MBD2: variants seen among roughly 807,000 people sequenced by gnomAD.
The protein encoded by MBD2 is methyl-CpG binding domain protein 2, also known as methyl-CpG-binding domain protein 2.
Under a neutral mutation model 39.3 loss-of-function variants are expected in MBD2, and 9 were observed. The ratio of observed to expected loss-of-function variants is 0.23; its 90% confidence interval spans 0.14 to 0.40. The LOEUF (loss-of-function observed/expected upper bound fraction) is 0.40. Among genes scored for constraint, MBD2 ranks in the 10% least tolerant of loss-of-function variants. The pLI is 1.00. For synonymous variants in MBD2, 233 were observed against 211.1 expected (o/e 1.10, Z -0.90); for missense variants, 458 against 532.6 (o/e 0.86, Z 1.38).
intron 2 of MBD2, 136 bp from the exon 3 acceptor site, chr18:54,189,147 T>C: frequency 2.0e-6 from 1 of 500,718 alleles, no homozygotes; most frequent in Non-Finnish European, 3.3e-6. Context: ...TTAAATACTC[T>C]AGGGTACATG....
rs1211076577 is a variant in MBD2 at position 54,154,274 on chromosome 18, G to A, written c.*1050C>T. The A allele has an allele frequency of 1.3e-5, 2 of 152,168 alleles. No individual in the cohort carries two copies. Among genetic ancestry groups the A allele is most frequent in the Admixed American group, 6.5e-5 (1 of 15,276 alleles). 9.4% of individuals were successfully genotyped at this position (152,168 alleles called of 1,614,324 possible). A position where few individuals can be genotyped will look rare whatever the true frequency, so the allele number is the denominator to read the frequency against. On this transcript the variant is annotated 3_prime_UTR_variant, in exon 7 of 7. Coordinates refer to ENST00000256429, the MANE Select transcript of MBD2 (RefSeq NM_003927.5). ...AAATATCAATAAATTCAAGTGGTATGAAAGTTACACTCGCGAGTTTCAACA... is the reference window on the plus strand; with the variant it reads ...AAATATCAATAAATTCAAGTGGTATAAAAGTTACACTCGCGAGTTTCAACA...
chr18:54,207,114 T>C (rs189347897), intron 1 of MBD2, among the ~76,000 whole-genome samples: 2 of 152,318 alleles, frequency 1.3e-5, no homozygotes, highest in Admixed American at 1.3e-4. Flanking sequence ...AAGCTTCACC[T>C]CCTTAATAAG....
At chr18:54,169,031 C>G (rs1031042894) in intron 3 of MBD2, among the ~76,000 whole-genome samples, 2 of 152,102 alleles carry the variant, frequency 1.3e-5, no homozygotes, top group Admixed American at 1.3e-4. Context: ...GTCTTTCCCA[C>G]TCTGTGTGAT....
chr18:54,164,551 C>A lies in MBD2; in HGVS notation c.1081G>T (p.Ala361Ser). ...WLNTSQPLCK[A>S]FIVTDEDIRK... The stretch of plus-strand genomic sequence containing the variant: ...ATGTCTTCATCTGTGACAATAAAAG[C>A]TTTGCAGAGGGGTTGAGATGTGTTA... The change falls in exon 5 of 7, where the codon GCT becomes TCT. Residue 361 changes from alanine (A) to serine (S), a missense_variant. Coordinates refer to ENST00000256429, the MANE Select transcript of MBD2 (RefSeq NM_003927.5). 6.2e-7 allele frequency: 1 copy of A among 1,613,678 alleles called. No homozygotes were observed. The highest frequency in any genetic ancestry group is 8.5e-7 in the Non-Finnish European group (1 of 1,179,622).
intron 1 of MBD2, among the ~76,000 whole-genome samples, chr18:54,220,942 T>C (rs2086606423): frequency 6.6e-6 from 1 of 152,194 alleles, no homozygotes; most frequent in South Asian, 2.1e-4. Flanking sequence ...ACGGAACCTC[T>C]GTAGACAGTT....
chr18:54,224,089 G>A lies in MBD2; in HGVS notation c.471C>T (p.Pro157=), dbSNP rs759118166. Residue 157 remains proline (P), a synonymous_variant, in exon 1 of 7, where the codon CCC becomes CCT. Transcript: ENST00000256429. ...GGATCACTTCCTCCTTCTTCCATCC[G>A]GGGGGGAGGGCCGGGCAATCCATCC... The part of the protein sequence containing the change: ...GKRMDCPALP[P]GWKKEEVIRK... 1 of 1,579,900 alleles carries A rather than the reference G, an allele frequency of 6.3e-7. No individual in the cohort carries two copies.
intron 1 of MBD2, among the ~76,000 whole-genome samples, chr18:54,208,735 A>AT (rs2086474151): frequency 6.6e-6 from 1 of 152,232 alleles, no homozygotes; most frequent in Admixed American, 6.5e-5. Context: ...TAAACCTGCA[A>AT]TAAGTAGTTC....
chr18:54,203,812 A>G (rs2086427328), intron 2 of MBD2, among the ~76,000 whole-genome samples: 2 of 152,212 alleles, frequency 1.3e-5, no homozygotes, highest in Admixed American at 1.3e-4. Context: ...CTTGGTGCTC[A>G]GGAAGGGGGT....
rs113538981 is a variant in MBD2 at position 54,156,673 on chromosome 18, C to T, written c.*13-1362G>A. Among the ~76,000 whole-genome samples the T allele has an allele frequency of 4.3e-3, 653 of 152,032 alleles. 6 individuals are homozygous for T. The highest frequency in any genetic ancestry group is 0.014 in the South Asian group (65 of 4,798). On this transcript the variant is annotated intron_variant, in intron 6 of 6. Coordinates refer to ENST00000256429, the MANE Select transcript of MBD2 (RefSeq NM_003927.5). Reference sequence around the variant, plus strand: ...TTCAAGACCAACCTGCCCAACATGGCGAAAACCGTCTCTAGAAAAAATACA... The same window carrying T: ...TTCAAGACCAACCTGCCCAACATGGTGAAAACCGTCTCTAGAAAAAATACA...
At chr18:54,162,992 G>A (rs1202765409) in intron 5 of MBD2, among the ~76,000 whole-genome samples, 4 of 152,088 alleles carry the variant, frequency 2.6e-5, no homozygotes, top group Admixed American at 6.6e-5. Context: ...TAGGCTGGGC[G>A]TGGTGGCTCA....
intron 3 of MBD2, among the ~76,000 whole-genome samples, chr18:54,176,024 C>G (rs533686303): frequency 2.0e-5 from 3 of 152,138 alleles, no homozygotes; most frequent in Admixed American, 2.0e-4. Context: ...ATGAGGACAA[C>G]AGTGTTAATG....
At chr18:54,219,268 T>C (rs1170615779) in intron 1 of MBD2, among the ~76,000 whole-genome samples, 3 of 152,346 alleles carry the variant, frequency 2.0e-5, no homozygotes, top group East Asian at 3.9e-4. Context: ...ACAAAATGCA[T>C]AGCCTTATTA....
chr18:54,218,714 G>A lies in MBD2; in HGVS notation c.542+5304C>T, dbSNP rs150410407. 7.2e-4 allele frequency among the ~76,000 whole-genome samples: 110 copies of A among 152,284 alleles called. 1 individual carries two copies. Among genetic ancestry groups the A allele is most frequent in the South Asian group, 5.2e-3 (25 of 4,824 alleles). On this transcript the variant is annotated intron_variant, in intron 1 of 6. Coordinates refer to ENST00000256429, the MANE Select transcript of MBD2 (RefSeq NM_003927.5). ...GCGGTGGCTCACGCCTGTAATCCTA[G>A]CATTTTGGGAGGCTGAGGCAGGTGG...
At chr18:54,191,944 T>A (rs1400523014) in intron 2 of MBD2, among the ~76,000 whole-genome samples, 1 of 152,212 alleles carries the variant, frequency 6.6e-6, no homozygotes, top group Non-Finnish European at 1.5e-5. Flanking sequence ...CAAATTTGGC[T>A]GACAAGCTGC....
intron 2 of MBD2, among the ~76,000 whole-genome samples, chr18:54,196,458 G>A (rs1024088304): frequency 6.6e-6 from 1 of 152,148 alleles, no homozygotes. Flanking sequence ...AGATATCCTA[G>A]AACAGTCCTA....
chr18:54,180,897 C>CTTTTTTTTTTTTTTTTTTTTTTT lies in MBD2; in HGVS notation c.840+7976_840+7977insAAAAAAAAAAAAAAAAAAAAAAA, dbSNP rs1211071727. ...CAGCCTATGTATTCCTTAATTTTTT[C>CTTTTTTTTTTTTTTTTTTTTTTT]TTTTTCTTTTTTTTTTTTTTTTTTT... On this transcript the variant is annotated intron_variant, in intron 3 of 6. Coordinates refer to ENST00000256429, the MANE Select transcript of MBD2 (RefSeq NM_003927.5). Among the ~76,000 whole-genome samples, 13 of 105,356 alleles carry CTTTTTTTTTTTTTTTTTTTTTTT rather than the reference C, an allele frequency of 1.2e-4. 1 individual carries two copies. Among genetic ancestry groups the CTTTTTTTTTTTTTTTTTTTTTTT allele is most frequent in the African/African-American group, 3.9e-4 (10 of 25,816 alleles). The allele number at this position is 105,356 out of a possible 152,430, so 69.1% of individuals were successfully genotyped here. A position where few individuals can be genotyped will look rare whatever the true frequency, so the allele number is the denominator to read the frequency against.
chr18:54,205,707 T>C (rs950156485), intron 1 of MBD2, among the ~76,000 whole-genome samples: 10 of 151,628 alleles, frequency 6.6e-5, no homozygotes, highest in African/African-American at 2.4e-4. Context: ...CTGGAATACA[T>C]AACATGTTGC....
chr18:54,211,150 C>T (rs556255892), intron 1 of MBD2, among the ~76,000 whole-genome samples: 8 of 152,066 alleles, frequency 5.3e-5, no homozygotes, highest in Admixed American at 2.6e-4. Context: ...GGATTACAGA[C>T]GTGAGCCACC....
chr18:54,156,139 T>C (rs2086050102), intron 6 of MBD2, among the ~76,000 whole-genome samples: 1 of 152,218 alleles, frequency 6.6e-6, no homozygotes, highest in South Asian at 2.1e-4. Context: ...TACCACAGGT[T>C]ATTACGGACA....
Sources: allele counts gnomAD v4.1 joint callset (sites outside exome capture counted in the v4.1 genomes callset), GRCh38; gene constraint gnomAD v4.1.1; transcripts MANE v1.5; gene names NCBI Gene and HGNC (gene_info 2026-07-23, HGNC 2026-07-21).